ITPR2: variants seen among roughly 807,000 people sequenced by gnomAD.
ITPR2 encodes the protein inositol 1,4,5-trisphosphate receptor type 2.
Under a neutral mutation model 317.1 loss-of-function variants are expected in ITPR2, and 207 were observed. The ratio of observed to expected loss-of-function variants is 0.65; its 90% confidence interval spans 0.58 to 0.73. The LOEUF (loss-of-function observed/expected upper bound fraction) is 0.73, where lower values mean the gene tolerates loss of function less well. Among genes scored for constraint, ITPR2 ranks in the 30% least tolerant of loss-of-function variants. The pLI, the probability that ITPR2 is intolerant of heterozygous loss-of-function variation, is 0.00. For synonymous variants in ITPR2, 1,156 were observed against 1,149.1 expected (o/e 1.01, Z -0.12); for missense variants, 2,613 against 3,284.0 (o/e 0.80, Z 4.99).
At position 26,415,480 on chromosome 12, in the gene ITPR2, T is replaced by A; in HGVS notation, c.7129A>T (p.Arg2377Trp). ...ATGACATTCAGCAAAGTCTCTTCCC[T>A]GTACACCAAATCAAAAAGCTACAAA... Reference protein sequence around the residue: ...YSFLLFDLVYREETLLNVIKS... With the variant: ...YSFLLFDLVYWEETLLNVIKS... The change falls in exon 51 of 57, where the codon AGG (arginine) becomes TGG (tryptophan). Residue 2377 changes from arginine (R) to tryptophan (W), a missense_variant. Arg to Trp is a moderately radical substitution (Grantham distance 101). This residue lies in a region of ITPR2 where 78 missense variants were observed against 110.3 expected (regional missense o/e 0.71). Coordinates refer to ENST00000381340, the MANE Select transcript of ITPR2 (RefSeq NM_002223.4). 6.4e-7 allele frequency: 1 copy of A among 1,567,336 alleles called. No individual in the cohort carries two copies. Among genetic ancestry groups the A allele is most frequent in the Non-Finnish European group, 8.6e-7 (1 of 1,160,516 alleles).
intron 16 of ITPR2, 27 bp from the exon 17 acceptor site, chr12:26,658,157 AT>A: frequency 6.7e-7 from 1 of 1,499,770 alleles, no homozygotes; most frequent in Non-Finnish European, 9.0e-7. Context: ...ATTAAATGGA[AT>A]ATGAAGACAA....
At chr12:26,589,847 TATATATACACACACACAC>T (rs1945651133) in intron 32 of ITPR2, among the ~76,000 whole-genome samples, 7 of 36,088 alleles carry the variant, frequency 1.9e-4, no homozygotes. Context: ...TATATATATA[TATATATACACACACACAC>T]ACACACACAC....
rs115047772 is a variant in ITPR2 at position 26,649,962 on chromosome 12, C to T, written c.2740+4014G>A. ...TATTAATTGTCTTCCCTGTGGCTAA[C>T]AACTTTGTTTATCTTGTTCATTACT... On this transcript the variant is annotated intron_variant, in intron 21 of 56. Coordinates refer to ENST00000381340, the MANE Select transcript of ITPR2 (RefSeq NM_002223.4). Among the ~76,000 whole-genome samples the T allele has an allele frequency of 5.7e-3, 873 of 152,242 alleles. 6 individuals are homozygous for T. Among genetic ancestry groups the T allele is most frequent in the African/African-American group, 0.02 (844 of 41,558 alleles).
At chr12:26,428,431 T>C (rs1418578246) in intron 48 of ITPR2, among the ~76,000 whole-genome samples, 1 of 152,220 alleles carries the variant, frequency 6.6e-6, no homozygotes, top group Non-Finnish European at 1.5e-5. Flanking sequence ...CCAAAATTTA[T>C]GATTAATGAC....
At chr12:26,341,784 G>T (rs2136541771) in intron 55 of ITPR2, among the ~76,000 whole-genome samples, 1 of 152,316 alleles carries the variant, frequency 6.6e-6, no homozygotes, top group Admixed American at 6.5e-5. Flanking sequence ...GGAGCTTATG[G>T]CTCAGGACAG....
At chr12:26,686,785 G>C (rs193163775) in intron 10 of ITPR2, among the ~76,000 whole-genome samples, 153 bp from the exon 11 acceptor site, 102 of 152,276 alleles carry the variant, frequency 6.7e-4, no homozygotes, top group Non-Finnish European at 8.4e-4. Context: ...GCTCTAGCCC[G>C]ACAGCCATTG....
chr12:26,750,118 CA>C (rs1949389718), intron 2 of ITPR2, among the ~76,000 whole-genome samples: 1 of 152,204 alleles, frequency 6.6e-6, no homozygotes, highest in Admixed American at 6.5e-5. Flanking sequence ...TATTCCAAAT[CA>C]AAAGAACATT....
At chr12:26,414,984 G>A (rs993270469) in intron 51 of ITPR2, among the ~76,000 whole-genome samples, 3 of 152,082 alleles carry the variant, frequency 2.0e-5, no homozygotes, top group African/African-American at 7.2e-5. Context: ...AAAAGAGGAG[G>A]AAAAGATTTT....
intron 2 of ITPR2, among the ~76,000 whole-genome samples, chr12:26,749,607 CT>C (rs1432025998): frequency 1.3e-5 from 2 of 152,096 alleles, no homozygotes; most frequent in Non-Finnish European, 2.9e-5. Flanking sequence ...GCCTACAGAC[CT>C]CAGGAAATAT....
intron 2 of ITPR2, among the ~76,000 whole-genome samples, chr12:26,761,202 A>C (rs1247515935): frequency 6.6e-6 from 1 of 152,246 alleles, no homozygotes; most frequent in Non-Finnish European, 1.5e-5. Flanking sequence ...CCCAGGCACC[A>C]GGCCAGCCTG....
chr12:26,568,187 G>A (rs1457860363), intron 34 of ITPR2, among the ~76,000 whole-genome samples: 2 of 150,752 alleles, frequency 1.3e-5, no homozygotes, highest in East Asian at 2.0e-4. Context: ...AATACAAAGG[G>A]TCACTTTAAA....
intron 37 of ITPR2, among the ~76,000 whole-genome samples, chr12:26,531,271 C>T (rs1943935476): frequency 6.6e-6 from 1 of 152,156 alleles, no homozygotes; most frequent in African/African-American, 2.4e-5. Flanking sequence ...GTGTGTAAGA[C>T]ATTTCAATAA....
At chr12:26,620,453 C>G (rs982187897) in intron 26 of ITPR2, among the ~76,000 whole-genome samples, 7 of 152,160 alleles carry the variant, frequency 4.6e-5, no homozygotes, top group Admixed American at 2.6e-4. Flanking sequence ...TATAAAACAC[C>G]AGACAGGCAT....
intron 55 of ITPR2, among the ~76,000 whole-genome samples, chr12:26,349,665 C>T (rs1272732771): frequency 6.6e-6 from 1 of 152,258 alleles, no homozygotes; most frequent in Non-Finnish European, 1.5e-5. Context: ...TGCAGAGTGG[C>T]TGAAGCCCAC....
At chr12:26,365,034 A>G (rs1348987444) in intron 55 of ITPR2, among the ~76,000 whole-genome samples, 1 of 152,234 alleles carries the variant, frequency 6.6e-6, no homozygotes, top group Non-Finnish European at 1.5e-5. Context: ...ATCTGGTATA[A>G]TCAGGGAATA....
intron 28 of ITPR2, among the ~76,000 whole-genome samples, chr12:26,601,005 T>G (rs1315996103): frequency 6.6e-6 from 1 of 152,162 alleles, no homozygotes; most frequent in Admixed American, 6.6e-5. Context: ...GTGAATATCC[T>G]TATTCATTGC....
intron 26 of ITPR2, among the ~76,000 whole-genome samples, chr12:26,608,075 C>T (rs1946177469): frequency 6.6e-6 from 1 of 151,922 alleles, no homozygotes; most frequent in Non-Finnish European, 1.5e-5. Flanking sequence ...GAGCCGAGAT[C>T]GTGCCACTGC....
At chr12:26,633,653 T>C (rs1946801009) in intron 21 of ITPR2, among the ~76,000 whole-genome samples, 1 of 152,216 alleles carries the variant, frequency 6.6e-6, no homozygotes, top group Non-Finnish European at 1.5e-5. Context: ...CAAACAATCA[T>C]AGCAATTGAG....
chr12:26,357,921 T>G (rs1938692744), intron 55 of ITPR2, among the ~76,000 whole-genome samples: 1 of 152,244 alleles, frequency 6.6e-6, no homozygotes, highest in South Asian at 2.1e-4. Flanking sequence ...TTGCTGGGTT[T>G]ACATTTGCTA....
Sources: gnomAD v4.1 joint callset for allele counts (sites outside exome capture counted in the v4.1 genomes callset) on GRCh38, gnomAD v4.1.1 for gene constraint, gnomAD v4.1.1 regional missense constraint, MANE v1.5 for transcripts, NCBI Gene and HGNC (gene_info 2026-07-23, HGNC 2026-07-21) for gene names.